FOXK1: variants seen among roughly 807,000 people sequenced by gnomAD.
The protein encoded by FOXK1 is forkhead box protein K1.
Under a neutral mutation model 51.9 loss-of-function variants are expected in FOXK1, and 19 were observed. That is an observed-to-expected ratio of 0.37 (90% CI 0.26 to 0.54). The LOEUF is 0.54. Among genes scored for constraint, FOXK1 ranks in the 20% least tolerant of loss-of-function variants. The pLI, the probability that FOXK1 is intolerant of heterozygous loss-of-function variation, is 0.87. For missense variants in FOXK1, 870 were observed against 1,032.7 expected, an observed-to-expected ratio of 0.84 and a Z score of 2.16; for synonymous variants, 537 against 482.6, an observed-to-expected ratio of 1.11 and a Z score of -1.48.
In FOXK1 at chr7:4,735,369, C is replaced by A. The variant is rs142583198; in HGVS notation, c.561-5469C>A. On this transcript the variant is annotated intron_variant, in intron 1 of 8. Transcript: ENST00000328914. This position sits in a 1 kb window ranked among gnomAD's most constrained non-coding sequence, Gnocchi z 4.7. ...AACAGCTTGCCTGAGATCGACTGCACATACCTTACAACTAACCCTTTCCAT... is the reference window on the plus strand; with the variant it reads ...AACAGCTTGCCTGAGATCGACTGCAAATACCTTACAACTAACCCTTTCCAT... Among the ~76,000 whole-genome samples the A allele has an allele frequency of 2.4e-3, 366 of 152,364 alleles. No individual in the cohort carries two copies. Among genetic ancestry groups the A allele is most frequent in the Middle Eastern group, 6.8e-3 (2 of 294 alleles).
chr7:4,762,502 G>A lies in FOXK1; in HGVS notation c.*38G>A, dbSNP rs113624299. 2.3e-5 allele frequency: 35 copies of A among 1,514,220 alleles called. No individual in the cohort carries two copies. Among genetic ancestry groups the A allele is most frequent in the African/African-American group, 1.4e-4 (10 of 72,074 alleles). 93.8% of individuals were successfully genotyped at this position (1,514,220 alleles called of 1,614,324 possible). A position where few individuals can be genotyped will look rare whatever the true frequency, so the allele number is the denominator to read the frequency against. The stretch of plus-strand genomic sequence containing the variant: ...CGCGGGGGAGTGGGACTCACCCAGC[G>A]GCGACCCCGAAGCTGGACCCGGCAG... On this transcript the variant is annotated 3_prime_UTR_variant, in exon 9 of 9. Transcript: ENST00000328914. The surrounding 1 kb of genome is among the most constrained non-coding windows in gnomAD (Gnocchi z 5.7).
At chr7:4,716,710 G>A (rs747317722) in intron 1 of FOXK1, among the ~76,000 whole-genome samples, 44 of 152,312 alleles carry the variant, frequency 2.9e-4, no homozygotes, top group South Asian at 4.1e-4. Context: ...AGCAGGTTCC[G>A]GGTGGAGGTG....
chr7:4,759,500 C>T lies in FOXK1; in HGVS notation c.1601C>T (p.Ser534Leu). ...AGGGTGGTCACCACATCTGCCAACT[C>T]GGCCAACGGATACATCCTCACCAGC... ...MVRVVTTSAN[S>L]ANGYILTSQG... is the part of the protein sequence containing the mutation. The change falls in exon 7 of 9, where the codon TCG (serine) becomes TTG (leucine). Residue 534 changes from serine (S) to leucine (L), a missense_variant. By Grantham distance (145) the Ser-to-Leu change is moderately radical. Coordinates refer to ENST00000328914, the MANE Select transcript of FOXK1 (RefSeq NM_001037165.2). The T allele has an allele frequency of 3.2e-6, 5 of 1,577,784 alleles. No homozygotes were observed. The highest frequency in any genetic ancestry group is 1.1e-5 in the South Asian group (1 of 87,240).
chr7:4,695,586 C>G (rs1010742718), intron 1 of FOXK1, among the ~76,000 whole-genome samples: 5 of 152,138 alleles, frequency 3.3e-5, no homozygotes, highest in Non-Finnish European at 7.3e-5. Flanking sequence ...GAGAGGATCA[C>G]AGGTCAGGAG....
chr7:4,692,370 A>G (rs1181583567), intron 1 of FOXK1, among the ~76,000 whole-genome samples: 1 of 152,164 alleles, frequency 6.6e-6, no homozygotes, highest in South Asian at 2.1e-4. Context: ...AGACCTCACT[A>G]AAACCTGACA....
At position 4,734,470 on chromosome 7, in the gene FOXK1, G is replaced by T. The variant is rs1780524542; in HGVS notation, c.561-6368G>T. Among the ~76,000 whole-genome samples the T allele has an allele frequency of 6.6e-6, 1 of 152,126 alleles. No individual in the cohort carries two copies. The highest frequency in any genetic ancestry group is 2.4e-5 in the African/African-American group (1 of 41,442). On this transcript the variant is annotated intron_variant, in intron 1 of 8. Coordinates refer to ENST00000328914, the MANE Select transcript of FOXK1 (RefSeq NM_001037165.2). The surrounding 1 kb of genome is among the most constrained non-coding windows in gnomAD (Gnocchi z 5.2). The stretch of plus-strand genomic sequence containing the variant: ...TCCCCAGATCGTCTGCTTCCTCCTT[G>T]CCCCTCAAACTCCTTTGCCTCAGTC...
chr7:4,758,953 G>GT lies in FOXK1; in HGVS notation c.1245-97dup. 7.6e-7 allele frequency: 1 copy of GT among 1,317,308 alleles called. No homozygotes were observed. The highest frequency in any genetic ancestry group is 1.5e-5 in the African/African-American group (1 of 67,810). The allele number at this position is 1,317,308 out of a possible 1,614,324, so 81.6% of individuals were successfully genotyped here. On this transcript the variant is annotated intron_variant, in intron 5 of 8. Transcript: ENST00000328914. This position sits in a 1 kb window ranked among gnomAD's most constrained non-coding sequence, Gnocchi z 4.4. ...AGGACAGAGACGAGCTCCAGGGAGCGTGGGCGGGTGACGGCGCTGAGATGC... is the reference window on the plus strand; with the variant it reads ...AGGACAGAGACGAGCTCCAGGGAGCGTTGGGCGGGTGACGGCGCTGAGATGC...
At position 4,758,519 on chromosome 7, in the gene FOXK1, T is replaced by C. The variant is rs2115074260; in HGVS notation, c.1245-532T>C. 6.5e-6 allele frequency: 1 copy of C among 152,868 alleles called. No homozygotes were observed. Among genetic ancestry groups the C allele is most frequent in the South Asian group, 2.1e-4 (1 of 4,846 alleles). The allele number at this position is 152,868 out of a possible 1,614,324, so 9.5% of individuals were successfully genotyped here. ...AACACGATTTGATGAAAGATTGAAA[T>C]ATCTGAAAATTCATTTCGAGCACAG... On this transcript the variant is annotated intron_variant, in intron 5 of 8. Transcript: ENST00000328914. The surrounding 1 kb of genome is among the most constrained non-coding windows in gnomAD (Gnocchi z 4.4).
Position 4,722,270 on chromosome 7 carries a change from C to T in FOXK1, c.561-18568C>T, listed in dbSNP as rs371713824. Among the ~76,000 whole-genome samples the T allele has an allele frequency of 6.8e-5, 9 of 132,884 alleles. No homozygotes were observed. The highest frequency in any genetic ancestry group is 1.2e-4 in the African/African-American group (5 of 40,022). The allele number at this position is 132,884 out of a possible 152,430, so 87.2% of individuals were successfully genotyped here. A position where few individuals can be genotyped will look rare whatever the true frequency, so the allele number is the denominator to read the frequency against. ...CTGGCTTTGCATTCTCTGCCTTTCCCGAGCGTCCCTGCCTCAGATTCCAAA... is the reference window on the plus strand; with the variant it reads ...CTGGCTTTGCATTCTCTGCCTTTCCTGAGCGTCCCTGCCTCAGATTCCAAA... On this transcript the variant is annotated intron_variant, in intron 1 of 8. Transcript: ENST00000328914. The surrounding 1 kb of genome is among the most constrained non-coding windows in gnomAD (Gnocchi z 5.1).
chr7:4,751,023 T>C (rs1363880293), intron 2 of FOXK1, among the ~76,000 whole-genome samples: 1 of 139,728 alleles, frequency 7.2e-6, no homozygotes, highest in Non-Finnish European at 1.6e-5. Flanking sequence ...TTTTTTTTTT[T>C]TTTTTTTTTG....
At chr7:4,695,753 G>A (rs748712901) in intron 1 of FOXK1, among the ~76,000 whole-genome samples, 33 of 151,972 alleles carry the variant, frequency 2.2e-4, no homozygotes, top group African/African-American at 7.0e-4. Context: ...CCTGACCAAC[G>A]TGGAGAAACC....
chr7:4,710,731 G>A (rs1325092591), intron 1 of FOXK1, among the ~76,000 whole-genome samples: 1 of 152,116 alleles, frequency 6.6e-6, no homozygotes, highest in Non-Finnish European at 1.5e-5. Context: ...AGGGTGCGGT[G>A]GTGGCTCTGC....
At position 4,729,905 on chromosome 7, in the gene FOXK1, G is replaced by A. The variant is rs1234941971; in HGVS notation, c.561-10933G>A. On this transcript the variant is annotated intron_variant, in intron 1 of 8. Transcript: ENST00000328914. This position sits in a 1 kb window ranked among gnomAD's most constrained non-coding sequence, Gnocchi z 6.2. ...CTCGGGAGGCTGAGGCAGGAGAATC[G>A]CTTGAACCCGGAAGGTGGAGTTTGC... 5.3e-5 allele frequency among the ~76,000 whole-genome samples: 8 copies of A among 152,084 alleles called. No individual in the cohort carries two copies. The highest frequency in any genetic ancestry group is 1.2e-4 in the African/African-American group (5 of 41,394).
intron 6 of FOXK1, 34 bp from the exon 7 acceptor site, chr7:4,759,277 A>T (rs889319853): frequency 6.2e-7 from 1 of 1,603,124 alleles, no homozygotes; most frequent in Admixed American, 1.7e-5. Flanking sequence ...GGGGTGCGGG[A>T]GGGGTCACCG....
At chr7:4,727,935 G>A (rs1042637271) in intron 1 of FOXK1, among the ~76,000 whole-genome samples, 4 of 152,226 alleles carry the variant, frequency 2.6e-5, no homozygotes, top group African/African-American at 9.6e-5. Flanking sequence ...CGGTAAAATG[G>A]AGACAGTCGG....
chr7:4,753,236 C>G lies in FOXK1; in HGVS notation c.747-1223C>G, dbSNP rs779181383. Among the ~76,000 whole-genome samples, 3 of 152,174 alleles carry G rather than the reference C, an allele frequency of 2.0e-5. No individual in the cohort carries two copies. The highest frequency in any genetic ancestry group is 4.4e-5 in the Non-Finnish European group (3 of 68,044). On this transcript the variant is annotated intron_variant, in intron 2 of 8. Coordinates refer to ENST00000328914, the MANE Select transcript of FOXK1 (RefSeq NM_001037165.2). This position sits in a 1 kb window ranked among gnomAD's most constrained non-coding sequence, Gnocchi z 4.9. ...GCCACAGGATTTTTTTCATTCATTC[C>G]TCTGCTCCATCCAAAAAATGTTTCT...
chr7:4,686,998 A>G (rs1383398309), intron 1 of FOXK1, among the ~76,000 whole-genome samples: 1 of 150,558 alleles, frequency 6.6e-6, no homozygotes, highest in African/African-American at 2.5e-5. Flanking sequence ...AGTGGCGCGA[A>G]CTTGGCTCAC....
At chr7:4,713,669 G>A (rs559011125) in intron 1 of FOXK1, among the ~76,000 whole-genome samples, 1 of 150,664 alleles carries the variant, frequency 6.6e-6, no homozygotes, top group African/African-American at 2.4e-5. Flanking sequence ...TTTTTGTAAT[G>A]TTAGTAGAGA....
chr7:4,738,868 A>T (rs1023213414), intron 1 of FOXK1, among the ~76,000 whole-genome samples: 11 of 152,148 alleles, frequency 7.2e-5, no homozygotes, highest in African/African-American at 2.4e-4. Context: ...TCTCTCTTCC[A>T]TGTGGGCAGC....
Sources: allele counts gnomAD v4.1 joint callset (sites outside exome capture counted in the v4.1 genomes callset), GRCh38; gene constraint gnomAD v4.1.1; non-coding constraint Gnocchi (gnomAD v3.1); transcripts MANE v1.5; gene names NCBI Gene and HGNC (gene_info 2026-07-23, HGNC 2026-07-21).